SEMA3A: variants seen among roughly 807,000 people sequenced by gnomAD.
SEMA3A encodes the protein semaphorin 3A, also known as semaphorin-3A.
Under a neutral mutation model 97.9 loss-of-function variants are expected in SEMA3A, and 29 were observed. That is an observed-to-expected ratio of 0.30 (90% CI 0.22 to 0.40). The LOEUF (loss-of-function observed/expected upper bound fraction) is 0.40, where lower values mean the gene tolerates loss of function less well. SEMA3A is among the 10% of genes least tolerant of loss of function. The pLI is 1.00. For synonymous variants in SEMA3A, 321 were observed against 323.7 expected (o/e 0.99, Z 0.09); for missense variants, 763 against 951.3 (o/e 0.80, Z 2.60).
chr7:84,378,905 TTTGTTG>T (rs71078825), intron 1 of SEMA3A, among the ~76,000 whole-genome samples: 2 of 145,592 alleles, frequency 1.4e-5, no homozygotes, highest in Non-Finnish European at 3.0e-5. Context: ...CATATATATT[TTTGTTG>T]TTGTTGTTGT....
At chr7:84,376,895 T>G (rs1434376554) in intron 1 of SEMA3A, among the ~76,000 whole-genome samples, 3 of 152,148 alleles carry the variant, frequency 2.0e-5, no homozygotes, top group Non-Finnish European at 2.9e-5. Flanking sequence ...TTGAGTTGTT[T>G]GAGATTTTTG....
intron 12 of SEMA3A, among the ~76,000 whole-genome samples, chr7:83,994,870 T>G (rs1790139941): frequency 2.6e-5 from 4 of 152,074 alleles, no homozygotes; most frequent in South Asian, 2.1e-4. Flanking sequence ...GGCTGCTTTG[T>G]TTACCTAATC....
intron 3 of SEMA3A, among the ~76,000 whole-genome samples, chr7:84,206,181 T>C (rs1410780258): frequency 6.6e-6 from 1 of 152,182 alleles, no homozygotes; most frequent in East Asian, 1.9e-4. Context: ...TATGGCATTC[T>C]TCCCATTCTG....
In SEMA3A at chr7:84,106,651, C is replaced by A. The variant is rs1795116646; in HGVS notation, c.453+3819G>T. Among the ~76,000 whole-genome samples the A allele has an allele frequency of 2.0e-5, 3 of 152,254 alleles. No individual in the cohort carries two copies. The South Asian group carries it at 6.2e-4, about 32-fold the overall frequency. Reference sequence around the variant, plus strand: ...ACTTTAAAGGAACCATTAATTTCTTCCTATAAGATCCAAAGCTATTAAATA... The same window carrying A: ...ACTTTAAAGGAACCATTAATTTCTTACTATAAGATCCAAAGCTATTAAATA... On this transcript the variant is annotated intron_variant, in intron 4 of 16. Transcript: ENST00000265362.
At chr7:84,401,817 T>C (rs1803912455) in intron 1 of SEMA3A, among the ~76,000 whole-genome samples, 1 of 152,070 alleles carries the variant, frequency 6.6e-6, no homozygotes. Context: ...TGCAGACAAA[T>C]GAAACTAGAC....
At position 84,242,785 on chromosome 7, in the gene SEMA3A, T is replaced by C. The variant is rs138499058; in HGVS notation, c.-82-48117A>G. On this transcript the variant is annotated intron_variant, in intron 3 of 3. Coordinates refer to the SEMA3A transcript ENST00000424555. ...GGGCTGTGGGTTTGTCATAAATAGC[T>C]CTCATTATTTTGAGATATGTTCTAT... is the stretch of plus-strand genomic sequence containing the variant. Among the ~76,000 whole-genome samples, 937 of 152,260 alleles carry C rather than the reference T, an allele frequency of 6.2e-3. 8 individuals are homozygous for C. The Middle Eastern group carries it at 0.092, about 15-fold the overall frequency.
At chr7:84,048,292 G>T (rs1792441825) in intron 5 of SEMA3A, among the ~76,000 whole-genome samples, 1 of 151,808 alleles carries the variant, frequency 6.6e-6, no homozygotes, top group African/African-American at 2.4e-5. Flanking sequence ...TTTAGAAATA[G>T]CCCTTTTCTG....
intron 9 of SEMA3A, among the ~76,000 whole-genome samples, chr7:84,009,951 T>G (rs1790814763): frequency 6.6e-6 from 1 of 150,824 alleles, no homozygotes. Flanking sequence ...GTTGTAATGC[T>G]GAAAGTTTTT....
chr7:84,132,548 T>C (rs536445443), intron 2 of SEMA3A, among the ~76,000 whole-genome samples: 3 of 152,078 alleles, frequency 2.0e-5, no homozygotes, highest in East Asian at 3.9e-4. Flanking sequence ...TATCTATCTG[T>C]AGATATATAC....
At chr7:84,092,149 C>T (rs1236103469) in intron 4 of SEMA3A, among the ~76,000 whole-genome samples, 1 of 152,124 alleles carries the variant, frequency 6.6e-6, no homozygotes, top group African/African-American at 2.4e-5. Flanking sequence ...TAAATCTTCT[C>T]AACCTTTGAA....
chr7:84,457,666 T>C (rs375334029), intron 1 of SEMA3A, among the ~76,000 whole-genome samples: 2 of 152,122 alleles, frequency 1.3e-5, no homozygotes, highest in Admixed American at 6.5e-5. Context: ...ATTTACTGAA[T>C]GTAACATGAT....
chr7:84,363,179 A>G (rs1179516897), intron 2 of SEMA3A, among the ~76,000 whole-genome samples: 3 of 151,954 alleles, frequency 2.0e-5, no homozygotes, highest in African/African-American at 7.2e-5. Flanking sequence ...CTTATTTAAA[A>G]TTCTATGCAT....
chr7:84,155,447 C>T (rs1365892299), intron 1 of SEMA3A, among the ~76,000 whole-genome samples: 3 of 152,144 alleles, frequency 2.0e-5, no homozygotes, highest in Admixed American at 1.3e-4. Context: ...ATGCTTCCTT[C>T]TTCCCAAACA....
intron 2 of SEMA3A, among the ~76,000 whole-genome samples, chr7:84,361,094 A>C (rs1479214667): frequency 6.6e-6 from 1 of 152,070 alleles, no homozygotes; most frequent in Non-Finnish European, 1.5e-5. Context: ...AATGCTTACT[A>C]TAAATTTTAT....
chr7:84,160,426 T>G (rs1796994642), intron 1 of SEMA3A, among the ~76,000 whole-genome samples: 1 of 151,928 alleles, frequency 6.6e-6, no homozygotes, highest in African/African-American at 2.4e-5. Flanking sequence ...AGCACATGCC[T>G]GTAGTCCCAG....
chr7:84,408,025 A>C (rs995167521), intron 1 of SEMA3A, among the ~76,000 whole-genome samples: 1 of 152,198 alleles, frequency 6.6e-6, no homozygotes, highest in Non-Finnish European at 1.5e-5. Flanking sequence ...ATGGCAACAA[A>C]AGCCAAAATT....
chr7:84,378,889 T>TCTCC (rs1803178624), intron 1 of SEMA3A, among the ~76,000 whole-genome samples: 3 of 150,448 alleles, frequency 2.0e-5, no homozygotes, highest in Non-Finnish European at 4.4e-5. Flanking sequence ...TCTCTCTCTC[T>TCTCC]CTCTCCATAT....
intron 1 of SEMA3A, among the ~76,000 whole-genome samples, chr7:84,176,533 T>A (rs191223819): frequency 1.2e-3 from 186 of 152,276 alleles, no homozygotes; most frequent in African/African-American, 3.9e-3. Context: ...TTAATGCCTA[T>A]GAGTCTATAA....
intron 3 of SEMA3A, among the ~76,000 whole-genome samples, chr7:84,229,259 A>T (rs1799061892): frequency 6.6e-6 from 1 of 152,136 alleles, no homozygotes; most frequent in African/African-American, 2.4e-5. Flanking sequence ...ACATTCATTC[A>T]CCATGAACAA....
Sources: gnomAD v4.1 joint callset for allele counts (sites outside exome capture counted in the v4.1 genomes callset) on GRCh38, gnomAD v4.1.1 for gene constraint, MANE v1.5 for transcripts, NCBI Gene and HGNC (gene_info 2026-07-23, HGNC 2026-07-21) for gene names.